The following IL15 variants were observed in gnomAD, a reference collection of about 807,000 sequenced individuals.
The protein encoded by IL15 is interleukin 15, also known as interleukin-15.
IL15 carries 11 observed loss-of-function variants against 19.6 expected under a neutral mutation model. The ratio of observed to expected loss-of-function variants is 0.56; its 90% CI spans 0.35 to 0.93. The LOEUF is 0.93. IL15 is among the 40% of genes least tolerant of loss of function. IL15 has a pLI of 0.01. For synonymous variants in IL15, 58 were observed against 59.6 expected (o/e 0.97, Z 0.12); for missense variants, 197 against 186.5 (o/e 1.06, Z -0.33).
chr4:141,639,252 C>T (rs965590404), intron 1 of IL15, among the ~76,000 whole-genome samples: 5 of 152,112 alleles, frequency 3.3e-5, no homozygotes, highest in African/African-American at 1.2e-4. Flanking sequence ...TATTTGCATA[C>T]AAATATTTCG....
At chr4:141,703,288 G>C (rs1294791874) in intron 2 of IL15, among the ~76,000 whole-genome samples, 1 of 152,124 alleles carries the variant, frequency 6.6e-6, no homozygotes. Flanking sequence ...CTGTTGATGG[G>C]TGTACATCCC....
chr4:141,674,469 C>T (rs956552321), intron 2 of IL15, among the ~76,000 whole-genome samples: 1 of 151,928 alleles, frequency 6.6e-6, no homozygotes, highest in East Asian at 1.9e-4. Context: ...GCCTGTAATC[C>T]CAGCTACTCA....
intron 1 of IL15, among the ~76,000 whole-genome samples, chr4:141,637,920 C>T (rs554257886): frequency 1.3e-5 from 2 of 152,224 alleles, no homozygotes; most frequent in East Asian, 3.9e-4. Context: ...GATTATGCAT[C>T]CTGCCATGTA....
intron 2 of IL15, among the ~76,000 whole-genome samples, chr4:141,662,472 T>C (rs2152162650): frequency 6.6e-6 from 1 of 152,352 alleles, no homozygotes; most frequent in Admixed American, 6.5e-5. Context: ...GCTTTGTTAT[T>C]AATATAGCTA....
At chr4:141,726,265 T>C (rs143901805) in intron 5 of IL15, among the ~76,000 whole-genome samples, 86 of 152,034 alleles carry the variant, frequency 5.7e-4, no homozygotes, top group African/African-American at 1.5e-3. Flanking sequence ...GGCACACAGA[T>C]TGGAAAGGAA....
At chr4:141,723,324 G>A (rs1272921091) in intron 5 of IL15, among the ~76,000 whole-genome samples, 1 of 152,028 alleles carries the variant, frequency 6.6e-6, no homozygotes, top group Non-Finnish European at 1.5e-5. Context: ...GAGTAGGGGG[G>A]GCCCTAAATC....
chr4:141,732,904 T>C lies in IL15; in HGVS notation c.*56T>C. ...TTATTAACAAACATCACTCTGCTGC[T>C]TAGACATAACAAAACACTCGGCATT... On this transcript the variant is annotated 3_prime_UTR_variant, in exon 8 of 8. Coordinates refer to ENST00000320650, the MANE Select transcript of IL15 (RefSeq NM_000585.5). 1 of 1,569,474 alleles carries C rather than the reference T, an allele frequency of 6.4e-7. No homozygotes were observed. Among genetic ancestry groups the C allele is most frequent in the South Asian group, 1.2e-5 (1 of 82,698 alleles).
At chr4:141,699,412 C>T (rs771246759) in intron 2 of IL15, among the ~76,000 whole-genome samples, 4 of 152,058 alleles carry the variant, frequency 2.6e-5, no homozygotes, top group Non-Finnish European at 4.4e-5. Context: ...ATCGACCTAG[C>T]GCTGTCAGAG....
At chr4:141,681,153 T>A (rs1167950307) in intron 2 of IL15, among the ~76,000 whole-genome samples, 1 of 152,126 alleles carries the variant, frequency 6.6e-6, no homozygotes, top group Non-Finnish European at 1.5e-5. Context: ...GTGCCTGTCT[T>A]CCATTATTGT....
At chr4:141,688,406 A>G (rs182163615) in intron 2 of IL15, among the ~76,000 whole-genome samples, 1 of 152,328 alleles carries the variant, frequency 6.6e-6, no homozygotes, top group African/African-American at 2.4e-5. Flanking sequence ...AGATCGCTTT[A>G]AAAACGTGAT....
intron 2 of IL15, among the ~76,000 whole-genome samples, chr4:141,662,248 G>C (rs1727816130): frequency 6.6e-6 from 1 of 152,186 alleles, no homozygotes; most frequent in Non-Finnish European, 1.5e-5. Flanking sequence ...CTCTGTCCTT[G>C]TTGACTTTTT....
At chr4:141,710,416 T>G (rs1245586009) in intron 2 of IL15, among the ~76,000 whole-genome samples, 4 of 152,244 alleles carry the variant, frequency 2.6e-5, no homozygotes, top group African/African-American at 7.2e-5. Context: ...TACAGTCATA[T>G]TTACTTGGCA....
rs182679691 is a variant in IL15 at position 141,680,254 on chromosome 4, C to T, written c.-100+23947C>T. ...ATGTGCTGATTATCTAGCTTGATAG[C>T]AGTATTTTATTATAGCTGGAGGGAA... On this transcript the variant is annotated intron_variant, in intron 2 of 7. Coordinates refer to ENST00000320650, the MANE Select transcript of IL15 (RefSeq NM_000585.5). Among the ~76,000 whole-genome samples the T allele has an allele frequency of 4.9e-4, 75 of 152,236 alleles. No individual in the cohort carries two copies. The East Asian group carries it at 0.011, about 22-fold the overall frequency.
rs76355447 is a variant in IL15 at position 141,654,990 on chromosome 4, T to A, written c.-221-1196T>A. ...TAAAGCACATTCTTAGGAGCTCTTA[T>A]TTATTCTCCTTTTAGAAGCTCAGGA... On this transcript the variant is annotated intron_variant, in intron 1 of 7. Transcript: ENST00000320650. 9.7e-3 allele frequency among the ~76,000 whole-genome samples: 1,479 copies of A among 152,246 alleles called. 23 individuals are homozygous for A. The highest frequency in any genetic ancestry group is 0.034 in the African/African-American group (1,423 of 41,550).
chr4:141,700,611 C>G (rs908298312), intron 2 of IL15, among the ~76,000 whole-genome samples: 1 of 152,114 alleles, frequency 6.6e-6, no homozygotes, highest in Non-Finnish European at 1.5e-5. Flanking sequence ...TAGTGATGGT[C>G]TTTGTGCAAT....
intron 2 of IL15, among the ~76,000 whole-genome samples, chr4:141,674,562 A>C (rs1298818826): frequency 6.8e-6 from 1 of 146,540 alleles, no homozygotes; most frequent in Admixed American, 7.1e-5. Context: ...CTCCAGCCTG[A>C]GTGACAGAGA....
chr4:141,701,997 C>G (rs749696891), intron 2 of IL15, among the ~76,000 whole-genome samples: 1 of 152,140 alleles, frequency 6.6e-6, no homozygotes, highest in Non-Finnish European at 1.5e-5. Context: ...TGTCTATAGA[C>G]GCATATACAC....
chr4:141,656,838 T>A (rs979405069), intron 2 of IL15, among the ~76,000 whole-genome samples: 1 of 152,146 alleles, frequency 6.6e-6, no homozygotes, highest in South Asian at 2.1e-4. Flanking sequence ...TTTGAATGAG[T>A]TTATGTAAGG....
At chr4:141,654,888 G>A (rs903053338) in intron 1 of IL15, among the ~76,000 whole-genome samples, 1 of 152,054 alleles carries the variant, frequency 6.6e-6, no homozygotes, top group African/African-American at 2.4e-5. Context: ...ATCTTCCTAG[G>A]AACATTGGCC....
Sources: gnomAD v4.1 joint callset for allele counts (sites outside exome capture counted in the v4.1 genomes callset) on GRCh38, gnomAD v4.1.1 for gene constraint, MANE v1.5 for transcripts, NCBI Gene and HGNC (gene_info 2026-07-23, HGNC 2026-07-21) for gene names.